CDIP1: variants seen among roughly 807,000 people sequenced by gnomAD.
The protein encoded by CDIP1 is cell death inducing p53 target 1.
In CDIP1, 9 loss-of-function variants were observed where a neutral mutation model predicts 17.7. The ratio of observed to expected loss-of-function variants is 0.51; its 90% CI spans 0.31 to 0.89. The LOEUF is 0.89. Ranked by LOEUF, CDIP1 falls within the 40% of genes least tolerant of loss-of-function variation. The pLI, the probability that CDIP1 is intolerant of heterozygous loss-of-function variation, is 0.05. For missense variants in CDIP1, 263 were observed against 277.9 expected (o/e 0.95, Z 0.38); for synonymous variants, 117 against 109.5 (o/e 1.07, Z -0.43).
At position 4,514,410 on chromosome 16, in the gene CDIP1, G is replaced by GT. The variant is rs1304623249; in HGVS notation, c.-15+164dup. 6.6e-6 allele frequency among the ~76,000 whole-genome samples: 1 copy of GT among 152,216 alleles called. No individual in the cohort carries two copies. The highest frequency in any genetic ancestry group is 2.4e-5 in the African/African-American group (1 of 41,452). On this transcript the variant is annotated intron_variant, in intron 2 of 5. Transcript: ENST00000567695. The surrounding 1 kb of genome is among the most constrained non-coding windows in gnomAD (Gnocchi z 5.2). ...AGGAAGCAGGGCCCAGTGAGGTAAA[G>GT]TCCCCCAAGGAGCCTAACTCAGCAC...
intron 1 of CDIP1, among the ~76,000 whole-genome samples, chr16:4,524,608 G>A (rs1424877873): frequency 6.6e-6 from 1 of 152,182 alleles, no homozygotes; most frequent in Non-Finnish European, 1.5e-5. Context: ...CTACCACCTG[G>A]AAGATAGATG....
chr16:4,512,967 G>C lies in CDIP1; in HGVS notation c.339C>G (p.Ala113=). Residue 113 remains alanine, a synonymous_variant, in exon 5 of 6, where the codon GCC becomes GCG. Coordinates refer to ENST00000567695, the MANE Select transcript of CDIP1 (RefSeq NM_013399.3). The surrounding 1 kb of genome is among the most constrained non-coding windows in gnomAD (Gnocchi z 4.6). ...CAGCTCCTGAAGGGACCAGGACTGTGGCTGTGTGGCCCCCAGGGCCAGGGT... is the reference window on the plus strand; with the variant it reads ...CAGCTCCTGAAGGGACCAGGACTGTCGCTGTGTGGCCCCCAGGGCCAGGGT... ...GPYPGPGGHT[A]TVLVPSGAAT... is the part of the protein sequence containing the mutation. The C allele has an allele frequency of 6.3e-7, 1 of 1,588,110 alleles. No homozygotes were observed. The highest frequency in any genetic ancestry group is 8.6e-7 in the Non-Finnish European group (1 of 1,168,262).
intron 1 of CDIP1, chr16:4,536,566 C>A (rs2059108083): frequency 6.6e-6 from 1 of 152,076 alleles, no homozygotes; most frequent in East Asian, 1.9e-4. Context: ...ATTTTGTTCC[C>A]TGAAGTATTA....
intron 1 of CDIP1, among the ~76,000 whole-genome samples, chr16:4,531,380 A>C (rs1024089744): frequency 6.6e-6 from 1 of 150,882 alleles, no homozygotes; most frequent in African/African-American, 2.4e-5. Context: ...CCATGGTCTC[A>C]AACTCCTGAC....
intron 1 of CDIP1, among the ~76,000 whole-genome samples, chr16:4,531,880 T>C (rs1158879839): frequency 6.6e-6 from 1 of 152,266 alleles, no homozygotes; most frequent in Non-Finnish European, 1.5e-5. Flanking sequence ...ATAGATTTCA[T>C]GGTACCCAGG....
In CDIP1 at chr16:4,512,374, C is replaced by T. The variant is rs1596483302; in HGVS notation, c.*198G>A. 1.6e-6 allele frequency: 1 copy of T among 606,374 alleles called. No individual in the cohort carries two copies. Among genetic ancestry groups the T allele is most frequent in the East Asian group, 2.8e-5 (1 of 36,120 alleles). The allele number at this position is 606,374 out of a possible 1,614,324, so 37.6% of individuals were successfully genotyped here. The stretch of plus-strand genomic sequence containing the variant: ...GTCAGCCCCCTGCCACCCACTGACC[C>T]TTGGCCTTAAATCCCAACAGAATTT... On this transcript the variant is annotated 3_prime_UTR_variant, in exon 6 of 6. Coordinates refer to ENST00000567695, the MANE Select transcript of CDIP1 (RefSeq NM_013399.3). The surrounding 1 kb of genome is among the most constrained non-coding windows in gnomAD (Gnocchi z 4.6).
chr16:4,534,044 G>A (rs1381472605), intron 1 of CDIP1, among the ~76,000 whole-genome samples: 1 of 151,938 alleles, frequency 6.6e-6, no homozygotes, highest in Admixed American at 6.6e-5. Flanking sequence ...CCCAACTCCC[G>A]AGTTCAAGCA....
chr16:4,513,141 C>T lies in CDIP1; in HGVS notation c.242-77G>A, dbSNP rs2058851114. ...CCAGACAAAGAGATTGGCGCAAAGCCCCACGGTCCACAGCGCCCAGCGTGC... is the reference window on the plus strand; with the variant it reads ...CCAGACAAAGAGATTGGCGCAAAGCTCCACGGTCCACAGCGCCCAGCGTGC... On this transcript the variant is annotated intron_variant, in intron 4 of 5. Coordinates refer to ENST00000567695, the MANE Select transcript of CDIP1 (RefSeq NM_013399.3). This position sits in a 1 kb window ranked among gnomAD's most constrained non-coding sequence, Gnocchi z 4.1. The T allele has an allele frequency of 5.7e-6, 8 of 1,395,556 alleles. No homozygotes were observed. The East Asian group carries it at 1.9e-4, about 33-fold the overall frequency. 86.4% of individuals were successfully genotyped at this position (1,395,556 alleles called of 1,614,324 possible).
intron 1 of CDIP1, among the ~76,000 whole-genome samples, chr16:4,519,257 T>C: frequency 6.6e-6 from 1 of 152,190 alleles, no homozygotes; most frequent in East Asian, 1.9e-4. Flanking sequence ...AAAAGACTTC[T>C]GTGGCAAAAC....
chr16:4,521,700 TAAAAA>T (rs111828421), intron 1 of CDIP1, among the ~76,000 whole-genome samples: 2 of 90,584 alleles, frequency 2.2e-5, no homozygotes, highest in African/African-American at 4.1e-5. Context: ...TCATCAATAT[TAAAAA>T]AAAAAAAAAA....
At chr16:4,526,927 C>T (rs1459695091) in intron 1 of CDIP1, among the ~76,000 whole-genome samples, 3 of 151,846 alleles carry the variant, frequency 2.0e-5, no homozygotes, top group African/African-American at 7.3e-5. Flanking sequence ...ACCTGACTCT[C>T]CAGTCTCAGA....
At chr16:4,532,769 G>C (rs1243115066) in intron 1 of CDIP1, 1 of 152,178 alleles carries the variant, frequency 6.6e-6, no homozygotes, top group African/African-American at 2.4e-5. Context: ...GTCATGGTGT[G>C]GCCACTGTCC....
intron 1 of CDIP1, among the ~76,000 whole-genome samples, chr16:4,527,576 G>C (rs577045029): frequency 6.6e-6 from 1 of 152,290 alleles, no homozygotes; most frequent in Admixed American, 6.5e-5. Flanking sequence ...TCCACAGCAC[G>C]GGGCCACAGC....
intron 1 of CDIP1, among the ~76,000 whole-genome samples, chr16:4,516,305 C>T (rs1215578922): frequency 2.6e-5 from 4 of 152,062 alleles, no homozygotes; most frequent in Non-Finnish European, 5.9e-5. Context: ...TCTGGGGTAA[C>T]GAAGATGCTC....
At chr16:4,521,137 T>A (rs992160331) in intron 1 of CDIP1, among the ~76,000 whole-genome samples, 2 of 151,946 alleles carry the variant, frequency 1.3e-5, no homozygotes, top group Non-Finnish European at 2.9e-5. Context: ...GAAGACTCAA[T>A]TACAACAAGA....
chr16:4,530,413 G>A (rs1347757845), intron 1 of CDIP1, among the ~76,000 whole-genome samples: 1 of 152,166 alleles, frequency 6.6e-6, no homozygotes, highest in East Asian at 1.9e-4. Flanking sequence ...ACTTTGGGAG[G>A]CTGAGGCAGT....
chr16:4,517,336 C>A (rs1442860630), intron 1 of CDIP1, among the ~76,000 whole-genome samples: 1 of 152,140 alleles, frequency 6.6e-6, no homozygotes, highest in Non-Finnish European at 1.5e-5. Flanking sequence ...CCACAGAAGA[C>A]ATGGAGGCCT....
intron 1 of CDIP1, among the ~76,000 whole-genome samples, chr16:4,517,431 A>G (rs944413722): frequency 2.0e-5 from 3 of 152,168 alleles, no homozygotes; most frequent in African/African-American, 7.2e-5. Context: ...CCAATGGCAC[A>G]GGGTTAAGAA....
rs763945583 is a variant in CDIP1 at position 4,512,557 on chromosome 16, C to T, written c.*15G>A. The T allele has an allele frequency of 1.8e-5, 29 of 1,593,158 alleles. No homozygotes were observed. The South Asian group carries it at 2.6e-4, about 15-fold the overall frequency. ...GCCAGACTGACAGGCGGGGGAGTCC[C>T]GAGTCCCAGCTCCGTTAGCACAGGC... On this transcript the variant is annotated 3_prime_UTR_variant, in exon 6 of 6. Coordinates refer to ENST00000567695, the MANE Select transcript of CDIP1 (RefSeq NM_013399.3). This position sits in a 1 kb window ranked among gnomAD's most constrained non-coding sequence, Gnocchi z 4.6.
Sources: allele counts gnomAD v4.1 joint callset (sites outside exome capture counted in the v4.1 genomes callset), GRCh38; gene constraint gnomAD v4.1.1; non-coding constraint Gnocchi (gnomAD v3.1); transcripts MANE v1.5; gene names NCBI Gene and HGNC (gene_info 2026-07-23, HGNC 2026-07-21).